NRGN: variants seen among roughly 807,000 people sequenced by gnomAD.
NRGN encodes the protein calmodulin-binding protein.
For synonymous variants in NRGN, 47 were observed against 52.8 expected (o/e 0.89, Z 0.47); for missense variants, 82 against 123.0 (o/e 0.67, Z 1.58).
intron 1 of NRGN, among the ~76,000 whole-genome samples, chr11:124,743,335 G>A (rs1390661361): frequency 6.6e-6 from 1 of 152,240 alleles, no homozygotes; most frequent in East Asian, 1.9e-4. Flanking sequence ...AGGCCAAGGA[G>A]GAAAGGTAGG....
In NRGN at chr11:124,745,787, G is replaced by C. The variant is rs1433353812; in HGVS notation, c.*5+58G>C. Reference sequence around the variant, plus strand: ...TGCCCTTCCCCAGCCCTCCCCAGGAGCAGGGGGAGAATAAGGGCGGGTTGG... The same window carrying C: ...TGCCCTTCCCCAGCCCTCCCCAGGACCAGGGGGAGAATAAGGGCGGGTTGG... On this transcript the variant is annotated intron_variant, in intron 2 of 3. Transcript: ENST00000284292. This position sits in a 1 kb window ranked among gnomAD's most constrained non-coding sequence, Gnocchi z 6.4. 2.0e-6 allele frequency: 2 copies of C among 983,628 alleles called. No individual in the cohort carries two copies. The highest frequency in any genetic ancestry group is 2.7e-6 in the Non-Finnish European group (2 of 736,306). The allele number at this position is 983,628 out of a possible 1,614,324, so 60.9% of individuals were successfully genotyped here.
intron 3 of NRGN, 151 bp from the exon 4 acceptor site, chr11:124,746,253 A>G (rs1356026426): frequency 6.6e-6 from 1 of 152,134 alleles, no homozygotes; most frequent in Admixed American, 6.6e-5. Flanking sequence ...CGCGGGGCTC[A>G]TTTCAGCGCT....
chr11:124,743,918 G>T (rs1393238533), intron 1 of NRGN, among the ~76,000 whole-genome samples: 1 of 99,240 alleles, frequency 1.0e-5, no homozygotes, highest in Non-Finnish European at 2.1e-5. Flanking sequence ...AAAAAAGAAG[G>T]AGGCAAATTC....
At position 124,745,633 on chromosome 11, in the gene NRGN, G is replaced by A. The variant is rs1210955018; in HGVS notation, c.146G>A (p.Gly49Glu). ...GHMARKKIKS[G>E]ERGRKGPGPG... ...ATGGCGCGGAAGAAGATAAAGAGCG[G>A]AGAGCGCGGCCGGAAGGGCCCGGGC... Residue 49 changes from glycine to glutamate, a missense_variant, in exon 2 of 4, where the codon GGA (glycine) becomes GAA (glutamate). By Grantham distance (98) the Gly-to-Glu change is moderately conservative. Transcript: ENST00000284292. The surrounding 1 kb of genome is among the most constrained non-coding windows in gnomAD (Gnocchi z 6.4). The A allele has an allele frequency of 6.3e-7, 1 of 1,591,894 alleles. No individual in the cohort carries two copies.
intron 1 of NRGN, among the ~76,000 whole-genome samples, chr11:124,742,643 C>A (rs1591421632): frequency 6.6e-6 from 1 of 152,174 alleles, no homozygotes; most frequent in South Asian, 2.1e-4. Context: ...TGGCTAGCAG[C>A]AGAGGCTACT....
At chr11:124,744,015 A>G (rs1454677894) in intron 1 of NRGN, among the ~76,000 whole-genome samples, 2 of 152,166 alleles carry the variant, frequency 1.3e-5, no homozygotes, top group Non-Finnish European at 2.9e-5. Context: ...TAATACTGCA[A>G]GTAATGTTAA....
rs114074253 is a variant in NRGN, at chr11:124,745,998, C to T, written c.*23+16C>T. ...ATTTTCAAAGGTAATGAACACGGCC[C>T]CTAGGCGGCGGGGTGGGACCCGTGA... is the stretch of plus-strand genomic sequence containing the variant. On this transcript the variant is annotated intron_variant, in intron 3 of 3. Transcript: ENST00000284292. The surrounding 1 kb of genome is among the most constrained non-coding windows in gnomAD (Gnocchi z 6.4). 177 of 302,248 alleles carry T rather than the reference C, an allele frequency of 5.9e-4. No homozygotes were observed. Among genetic ancestry groups the T allele is most frequent in the Admixed American group, 8.2e-4 (16 of 19,394 alleles). The allele number at this position is 302,248 out of a possible 1,614,324, so 18.7% of individuals were successfully genotyped here.
chr11:124,743,902 G>GAAAA (rs56291708), intron 1 of NRGN, among the ~76,000 whole-genome samples: 8 of 134,948 alleles, frequency 5.9e-5, no homozygotes, highest in East Asian at 4.2e-4. Context: ...TTCATGAAAA[G>GAAAA]AAAAAAAAAA....
chr11:124,745,280 A>G lies in NRGN; in HGVS notation c.16-223A>G, dbSNP rs573924116. 6.6e-6 allele frequency among the ~76,000 whole-genome samples: 1 copy of G among 152,110 alleles called. No individual in the cohort carries two copies. Among genetic ancestry groups the G allele is most frequent in the South Asian group, 2.1e-4 (1 of 4,822 alleles). On this transcript the variant is annotated intron_variant, in intron 1 of 3. Coordinates refer to ENST00000284292, the MANE Select transcript of NRGN (RefSeq NM_006176.3). The surrounding 1 kb of genome is among the most constrained non-coding windows in gnomAD (Gnocchi z 6.4). ...ATCCTGCCTGCACTTCTCTTTCCTG[A>G]ATTGAGACATGACTGTCCACCTGGC...
In NRGN at chr11:124,745,646, G is replaced by T; in HGVS notation, c.159G>T (p.Arg53=). ...AGATAAAGAGCGGAGAGCGCGGCCG[G>T]AAGGGCCCGGGCCCTGGGGGGCCTG... ...RKKIKSGERG[R]KGPGPGGPGG... is the part of the protein sequence containing the mutation. The change falls in exon 2 of 4, where the codon CGG becomes CGT. Residue 53 remains arginine (R), a synonymous_variant. Transcript: ENST00000284292. The surrounding 1 kb of genome is among the most constrained non-coding windows in gnomAD (Gnocchi z 6.4). 1.3e-6 allele frequency: 2 copies of T among 1,570,164 alleles called. No individual in the cohort carries two copies. The highest frequency in any genetic ancestry group is 1.7e-6 in the Non-Finnish European group (2 of 1,162,760).
intron 1 of NRGN, among the ~76,000 whole-genome samples, chr11:124,743,681 G>C (rs1943984991): frequency 6.6e-6 from 1 of 152,152 alleles, no homozygotes; most frequent in Non-Finnish European, 1.5e-5. Flanking sequence ...ATAAGCCGGG[G>C]CTTGGGCATC....
chr11:124,740,082 A>T lies in NRGN; in HGVS notation c.-3A>T. The T allele has an allele frequency of 7.4e-7, 1 of 1,343,028 alleles. No individual in the cohort carries two copies. Among genetic ancestry groups the T allele is most frequent in the Non-Finnish European group, 9.6e-7 (1 of 1,039,428 alleles). The allele number at this position is 1,343,028 out of a possible 1,614,324, so 83.2% of individuals were successfully genotyped here. ...TCCCCGCAGAGGACCCCCCGACACCAGCATGGACTGCTGCACCGTAAGTTA... is the reference window on the plus strand; with the variant it reads ...TCCCCGCAGAGGACCCCCCGACACCTGCATGGACTGCTGCACCGTAAGTTA... On this transcript the variant is annotated 5_prime_UTR_variant, in exon 1 of 4. Coordinates refer to ENST00000284292, the MANE Select transcript of NRGN (RefSeq NM_006176.3). The surrounding 1 kb of genome is among the most constrained non-coding windows in gnomAD (Gnocchi z 7.5).
Position 124,745,640 on chromosome 11 carries a change from C to A in NRGN, c.153C>A (p.Arg51=), listed in dbSNP as rs377334583. ...GGAAGAAGATAAAGAGCGGAGAGCG[C>A]GGCCGGAAGGGCCCGGGCCCTGGGG... is the stretch of plus-strand genomic sequence containing the variant. The part of the protein sequence containing the change: ...MARKKIKSGE[R]GRKGPGPGGP... The change falls in exon 2 of 4, where the codon CGC becomes CGA. Residue 51 remains arginine, a synonymous_variant. Coordinates refer to ENST00000284292, the MANE Select transcript of NRGN (RefSeq NM_006176.3). The surrounding 1 kb of genome is among the most constrained non-coding windows in gnomAD (Gnocchi z 6.4). 2.8e-5 allele frequency: 44 copies of A among 1,580,052 alleles called. No homozygotes were observed. The African/African-American group carries it at 5.6e-4, about 20-fold the overall frequency.
chr11:124,742,926 G>A (rs952052029), intron 1 of NRGN, among the ~76,000 whole-genome samples: 1 of 152,168 alleles, frequency 6.6e-6, no homozygotes, highest in Non-Finnish European at 1.5e-5. Flanking sequence ...GGACTAGAAG[G>A]CTTGGACCCC....
Position 124,739,974 on chromosome 11 carries a change from G to A in NRGN, c.-111G>A, listed in dbSNP as rs912573700. 3.1e-5 allele frequency: 15 copies of A among 489,546 alleles called. No individual in the cohort carries two copies. The highest frequency in any genetic ancestry group is 6.1e-5 in the African/African-American group (3 of 49,444). The allele number at this position is 489,546 out of a possible 1,614,324, so 30.3% of individuals were successfully genotyped here. On this transcript the variant is annotated 5_prime_UTR_variant, in exon 1 of 4. Transcript: ENST00000284292. The stretch of plus-strand genomic sequence containing the variant: ...ACCCGAGAGCAGAGCTGCTGTTTCG[G>A]CGCGGGTCGGCTGGCGGCCGACTGC...
At position 124,740,999 on chromosome 11, in the gene NRGN, C is replaced by G. The variant is rs1330609282; in HGVS notation, c.15+900C>G. On this transcript the variant is annotated intron_variant, in intron 1 of 3. Coordinates refer to ENST00000284292, the MANE Select transcript of NRGN (RefSeq NM_006176.3). This position sits in a 1 kb window ranked among gnomAD's most constrained non-coding sequence, Gnocchi z 7.5. Reference sequence around the variant, plus strand: ...AACCAGCTAATGATACACGAGGTTACTGACTTTGCCACCTTATGGCATAGT... The same window carrying G: ...AACCAGCTAATGATACACGAGGTTAGTGACTTTGCCACCTTATGGCATAGT... Among the ~76,000 whole-genome samples the G allele has an allele frequency of 6.6e-6, 1 of 152,158 alleles. No homozygotes were observed. The highest frequency in any genetic ancestry group is 1.5e-5 in the Non-Finnish European group (1 of 68,018).
Position 124,740,069 on chromosome 11 carries a change from AC to A in NRGN, c.-10del, listed in dbSNP as rs751356937. 2.0e-4 allele frequency: 262 copies of A among 1,321,624 alleles called. No individual in the cohort carries two copies. The highest frequency in any genetic ancestry group is 5.3e-4 in the Admixed American group (15 of 28,228). The allele number at this position is 1,321,624 out of a possible 1,614,324, so 81.9% of individuals were successfully genotyped here. A position where few individuals can be genotyped will look rare whatever the true frequency, so the allele number is the denominator to read the frequency against. On this transcript the variant is annotated 5_prime_UTR_variant, in exon 1 of 4. Coordinates refer to ENST00000284292, the MANE Select transcript of NRGN (RefSeq NM_006176.3). The surrounding 1 kb of genome is among the most constrained non-coding windows in gnomAD (Gnocchi z 7.5). Reference sequence around the variant, plus strand: ...GCGCCAGCCTTCGTCCCCGCAGAGGACCCCCCGACACCAGCATGGACTGCTG... The same window carrying A: ...GCGCCAGCCTTCGTCCCCGCAGAGGACCCCCGACACCAGCATGGACTGCTG...
At chr11:124,742,931 G>A (rs968304178) in intron 1 of NRGN, among the ~76,000 whole-genome samples, 3 of 152,152 alleles carry the variant, frequency 2.0e-5, no homozygotes, top group African/African-American at 7.2e-5. Context: ...AGAAGGCTTG[G>A]ACCCCACTTT....
chr11:124,742,035 A>T (rs1245632443), intron 1 of NRGN, among the ~76,000 whole-genome samples: 1 of 152,228 alleles, frequency 6.6e-6, no homozygotes, highest in Non-Finnish European at 1.5e-5. Context: ...CCCTGTGCAC[A>T]GGAGCCTTCC....
Sources: gnomAD v4.1 joint callset for allele counts (sites outside exome capture counted in the v4.1 genomes callset) on GRCh38, gnomAD v4.1.1 for gene constraint, Gnocchi (gnomAD v3.1) non-coding constraint, MANE v1.5 for transcripts, NCBI Gene and HGNC (gene_info 2026-07-23, HGNC 2026-07-21) for gene names.